BABAM2: variants seen among roughly 807,000 people sequenced by gnomAD.
BABAM2 encodes the protein BRISC and BRCA1-A complex member 2.
BABAM2 carries 31 observed loss-of-function variants against 54.7 expected under a neutral mutation model. That is an observed-to-expected ratio of 0.57 (90% CI 0.43 to 0.77). BABAM2 has a LOEUF of 0.77. Among genes scored for constraint, BABAM2 ranks in the 30% least tolerant of loss-of-function variants. The pLI, the probability that BABAM2 is intolerant of heterozygous loss-of-function variation, is 0.00. For synonymous variants in BABAM2, 167 were observed against 162.9 expected (o/e 1.03, Z -0.19); for missense variants, 364 against 455.8 (o/e 0.80, Z 1.83).
chr2:28,013,480 T>C, intron 4 of BABAM2: 2 of 436,448 alleles, frequency 4.6e-6, no homozygotes, highest in Non-Finnish European at 9.1e-6. Context: ...CAAACTTTTA[T>C]GGGAAAGTGG....
intron 6 of BABAM2, among the ~76,000 whole-genome samples, chr2:28,113,220 G>A (rs1015663538): frequency 6.6e-6 from 1 of 152,118 alleles, no homozygotes; most frequent in Non-Finnish European, 1.5e-5. Flanking sequence ...GATCCCATTT[G>A]TCAAATTTGT....
chr2:27,903,105 G>A (rs1200058232), intron 2 of BABAM2, among the ~76,000 whole-genome samples: 4 of 129,726 alleles, frequency 3.1e-5, no homozygotes, highest in African/African-American at 6.1e-5. Context: ...CCCCCCCACC[G>A]TATGGATAAT....
At chr2:27,896,273 C>G (rs1038245843) in intron 2 of BABAM2, 3 of 153,728 alleles carry the variant, frequency 2.0e-5, no homozygotes, top group African/African-American at 7.2e-5. Context: ...GCAGGGGCAG[C>G]TAGCTTTAGA....
intron 6 of BABAM2, among the ~76,000 whole-genome samples, chr2:28,123,178 T>A (rs148586832): frequency 2.0e-5 from 3 of 152,160 alleles, no homozygotes; most frequent in Non-Finnish European, 4.4e-5. Context: ...ACACTGGGGG[T>A]GCAAAAATGA....
At chr2:28,030,224 A>G (rs1345334335) in intron 5 of BABAM2, among the ~76,000 whole-genome samples, 2 of 152,212 alleles carry the variant, frequency 1.3e-5, no homozygotes, top group African/African-American at 4.8e-5. Context: ...GTAGAAGTTT[A>G]AATTCATTTC....
At chr2:27,946,894 A>G (rs1047372741) in intron 3 of BABAM2, among the ~76,000 whole-genome samples, 2 of 152,032 alleles carry the variant, frequency 1.3e-5, no homozygotes, top group East Asian at 1.9e-4. Flanking sequence ...TTATTCATCT[A>G]TTTCCTCCTT....
rs1688333424 is a variant in BABAM2, at chr2:28,304,251, T to C, written c.1088+5760T>C. Among the ~76,000 whole-genome samples the C allele has an allele frequency of 6.6e-6, 1 of 152,018 alleles. No homozygotes were observed. Among genetic ancestry groups the C allele is most frequent in the African/African-American group, 2.4e-5 (1 of 41,410 alleles). On this transcript the variant is annotated intron_variant, in intron 11 of 11. Transcript: ENST00000379624. The surrounding 1 kb of genome is among the most constrained non-coding windows in gnomAD (Gnocchi z 4.0). ...TTGTGTTTTTAGTACAGACAGGGTT[T>C]TGGCATGTTGGCCAGTCTGGTTTCA...
At chr2:28,015,776 G>T in intron 4 of BABAM2, 1 of 1,101,194 alleles carries the variant, frequency 9.1e-7, no homozygotes, top group Non-Finnish European at 1.2e-6. Flanking sequence ...GAACTAGCAG[G>T]CTTCTTTTTC....
At chr2:28,045,624 G>A (rs1677498280) in intron 5 of BABAM2, 101 bp from the exon 6 acceptor site, 7 of 900,338 alleles carry the variant, frequency 7.8e-6, no homozygotes, top group Middle Eastern at 3.5e-4. Context: ...AATTGAAGAT[G>A]CCTGCATTTT....
At chr2:28,144,505 C>T (rs1189463417) in intron 7 of BABAM2, among the ~76,000 whole-genome samples, 4 of 152,204 alleles carry the variant, frequency 2.6e-5, no homozygotes, top group Non-Finnish European at 5.9e-5. Context: ...CCACAACTCC[C>T]TCTACCCCCA....
rs1681980699 is a variant in BABAM2 at position 28,237,059 on chromosome 2, A to G, written c.681-143A>G. The G allele has an allele frequency of 7.8e-6, 5 of 642,658 alleles. No homozygotes were observed. The African/African-American group carries it at 9.0e-5, about 12-fold the overall frequency. The allele number at this position is 642,658 out of a possible 1,614,324, so 39.8% of individuals were successfully genotyped here. The stretch of plus-strand genomic sequence containing the variant: ...TTAAAATACAGAAATGTAATCATAA[A>G]GTGAAGCCCATATACCCATCATCAT... On this transcript the variant is annotated intron_variant, in intron 7 of 11. Transcript: ENST00000379624.
rs774267970 is a variant in BABAM2, at chr2:28,322,585, C to G, written c.1089-15865C>G. Among the ~76,000 whole-genome samples the G allele has an allele frequency of 1.3e-5, 2 of 152,248 alleles. No individual in the cohort carries two copies. The highest frequency in any genetic ancestry group is 2.9e-5 in the Non-Finnish European group (2 of 68,042). On this transcript the variant is annotated intron_variant, in intron 11 of 11. Coordinates refer to ENST00000379624, the MANE Select transcript of BABAM2 (RefSeq NM_199191.3). The surrounding 1 kb of genome is among the most constrained non-coding windows in gnomAD (Gnocchi z 4.1). ...AGGTCTCGCCCAACAGCAAGGTTCT[C>G]TGGTTAGCACCAAATGAGTGGCTCA...
At chr2:27,929,337 T>C (rs1487362349) in intron 2 of BABAM2, among the ~76,000 whole-genome samples, 1 of 152,204 alleles carries the variant, frequency 6.6e-6, no homozygotes, top group Non-Finnish European at 1.5e-5. Context: ...ATGAAAGTTA[T>C]GGTGTGCCAA....
At chr2:27,978,822 CTAT>C (rs1671788269) in intron 3 of BABAM2, among the ~76,000 whole-genome samples, 1 of 151,976 alleles carries the variant, frequency 6.6e-6, no homozygotes, top group African/African-American at 2.4e-5. Flanking sequence ...GCCCCAGTGT[CTAT>C]TATTCCCCTC....
At chr2:28,031,458 T>G (rs1277645680) in intron 5 of BABAM2, among the ~76,000 whole-genome samples, 1 of 152,156 alleles carries the variant, frequency 6.6e-6, no homozygotes, top group African/African-American at 2.4e-5. Context: ...TATTTTTGTG[T>G]GCTGGAATGC....
intron 11 of BABAM2, chr2:28,309,569 A>C (rs1476758973): frequency 6.5e-6 from 1 of 152,948 alleles, no homozygotes; most frequent in Non-Finnish European, 1.5e-5. Flanking sequence ...ATCAGCAGCA[A>C]CATCCCTAGA....
intron 10 of BABAM2, among the ~76,000 whole-genome samples, chr2:28,264,663 T>C (rs1045727330): frequency 6.6e-6 from 1 of 152,206 alleles, no homozygotes; most frequent in Non-Finnish European, 1.5e-5. Context: ...GCTTGAACAC[T>C]GTATTTACAA....
chr2:27,894,243 T>G (rs1044306514), intron 1 of BABAM2, among the ~76,000 whole-genome samples: 15 of 152,062 alleles, frequency 9.9e-5, no homozygotes, highest in Non-Finnish European at 2.1e-4. Flanking sequence ...GTGGGACCAC[T>G]TTGAGTAGAG....
intron 6 of BABAM2, among the ~76,000 whole-genome samples, chr2:28,093,157 A>G (rs1666306231): frequency 6.6e-6 from 1 of 152,168 alleles, no homozygotes; most frequent in Non-Finnish European, 1.5e-5. Flanking sequence ...CCACTTTACT[A>G]TCACAAAACT....
Sources: gnomAD v4.1 joint callset for allele counts (sites outside exome capture counted in the v4.1 genomes callset) on GRCh38, gnomAD v4.1.1 for gene constraint, Gnocchi (gnomAD v3.1) non-coding constraint, MANE v1.5 for transcripts, NCBI Gene and HGNC (gene_info 2026-07-23, HGNC 2026-07-21) for gene names.